Variants in NCALD observed in about 807,000 individuals in gnomAD.
The protein encoded by NCALD is neurocalcin-delta.
NCALD carries 10 observed loss-of-function variants against 18.6 expected under a neutral mutation model. The observed-to-expected ratio is 0.54, with a 90% confidence interval of 0.33 to 0.91. The LOEUF (loss-of-function observed/expected upper bound fraction) is 0.91, where lower values mean the gene tolerates loss of function less well. Ranked by LOEUF, NCALD falls within the 40% of genes least tolerant of loss-of-function variation. The probability of loss-of-function intolerance (pLI) is 0.03; values close to 1 mark genes in which losing one functional copy is unlikely to be tolerated. For missense variants in NCALD, 184 were observed against 247.6 expected (o/e 0.74, Z 1.72); for synonymous variants, 88 against 87.4 (o/e 1.01, Z -0.04).
intron 1 of NCALD, among the ~76,000 whole-genome samples, chr8:102,065,152 T>A (rs1400271077): frequency 1.3e-5 from 2 of 151,734 alleles, no homozygotes; most frequent in Non-Finnish European, 2.9e-5. Flanking sequence ...GTTGGAGAGA[T>A]GTTCTCCAGG....
chr8:102,082,529 C>T (rs1237793939), intron 1 of NCALD, among the ~76,000 whole-genome samples: 1 of 152,150 alleles, frequency 6.6e-6, no homozygotes, highest in African/African-American at 2.4e-5. Flanking sequence ...CAACCGGCCA[C>T]CTCCAACTCC....
intron 4 of NCALD, among the ~76,000 whole-genome samples, chr8:101,840,566 C>T (rs1371471054): frequency 1.3e-5 from 2 of 152,134 alleles, no homozygotes; most frequent in Non-Finnish European, 2.9e-5. Context: ...CCAAAGTCTT[C>T]TATGTCATTT....
At chr8:102,060,147 AT>A (rs951251929) in intron 1 of NCALD, among the ~76,000 whole-genome samples, 9 of 151,828 alleles carry the variant, frequency 5.9e-5, no homozygotes, top group Admixed American at 3.3e-4. Context: ...TGCCTGGCTA[AT>A]TTTTTTGTAT....
intron 2 of NCALD, among the ~76,000 whole-genome samples, chr8:101,980,094 C>G (rs1338203578): frequency 6.6e-6 from 1 of 152,124 alleles, no homozygotes; most frequent in Non-Finnish European, 1.5e-5. Context: ...CCACATCAGC[C>G]TTGGCATCCC....
chr8:101,689,335 C>A lies in NCALD; in HGVS notation c.556G>T (p.Asp186Tyr). 1.2e-6 allele frequency: 2 copies of A among 1,613,794 alleles called. No individual in the cohort carries two copies. The highest frequency in any genetic ancestry group is 1.7e-6 in the Non-Finnish European group (2 of 1,179,906). ...DPSIVRLLQC[D>Y]PSSAGQF ...CAGAACTGGCCGGCACTGCTCGGGT[C>A]GCACTGCAGGAGGCGCACAATGGAC... The change falls in exon 4 of 4, where the codon GAC becomes TAC. Residue 186 changes from aspartate to tyrosine, a missense_variant. Transcript: ENST00000220931. The surrounding 1 kb of genome is among the most constrained non-coding windows in gnomAD (Gnocchi z 4.4).
intron 2 of NCALD, chr8:101,986,609 C>T (rs1820823014): frequency 6.6e-6 from 1 of 152,310 alleles, no homozygotes; most frequent in Non-Finnish European, 1.5e-5. Flanking sequence ...TGTCATCTGA[C>T]TCTATGCAGC....
chr8:101,822,269 T>C (rs1282641645), intron 4 of NCALD, among the ~76,000 whole-genome samples: 1 of 152,172 alleles, frequency 6.6e-6, no homozygotes, highest in Non-Finnish European at 1.5e-5. Flanking sequence ...TTTTGGGGAA[T>C]GAAAAGAAAG....
intron 4 of NCALD, among the ~76,000 whole-genome samples, chr8:101,885,650 G>A (rs1226296577): frequency 6.6e-6 from 1 of 152,168 alleles, no homozygotes; most frequent in East Asian, 1.9e-4. Flanking sequence ...AATGAGAGAT[G>A]AAGTCTAGCT....
At chr8:102,103,564 C>CT (rs746098380) in intron 1 of NCALD, among the ~76,000 whole-genome samples, 20 of 151,918 alleles carry the variant, frequency 1.3e-4, no homozygotes, top group South Asian at 2.1e-4. Flanking sequence ...TCTTTTCTTT[C>CT]TTTTTTTTGA....
At chr8:102,113,941 G>C (rs1825709042) in intron 1 of NCALD, among the ~76,000 whole-genome samples, 1 of 152,254 alleles carries the variant, frequency 6.6e-6, no homozygotes, top group South Asian at 2.1e-4. Context: ...AGTCTAGGCT[G>C]TCAGTGCCTT....
intron 2 of NCALD, among the ~76,000 whole-genome samples, chr8:101,918,921 G>A (rs1299431563): frequency 6.6e-6 from 1 of 152,122 alleles, no homozygotes; most frequent in Non-Finnish European, 1.5e-5. Flanking sequence ...TGTTACATTG[G>A]CCATATTACC....
At chr8:101,690,316 T>G (rs1189960639) in intron 3 of NCALD, 1 of 984,304 alleles carries the variant, frequency 1.0e-6, no homozygotes, top group Non-Finnish European at 1.2e-6. Flanking sequence ...CATGCTCGAT[T>G]GGTAAATTTG....
At chr8:102,011,712 G>A (rs765144186) in intron 2 of NCALD, among the ~76,000 whole-genome samples, 1 of 152,080 alleles carries the variant, frequency 6.6e-6, no homozygotes, top group Non-Finnish European at 1.5e-5. Context: ...CCTCAGAAGG[G>A]ACTGCTACCT....
intron 4 of NCALD, among the ~76,000 whole-genome samples, chr8:101,811,706 G>C (rs975411594): frequency 4.6e-5 from 7 of 152,182 alleles, no homozygotes; most frequent in Non-Finnish European, 1.0e-4. Context: ...GGCCTCAGGG[G>C]AGGGAGATGT....
At chr8:101,831,203 A>G (rs1156430722) in intron 4 of NCALD, among the ~76,000 whole-genome samples, 2 of 152,190 alleles carry the variant, frequency 1.3e-5, no homozygotes, top group Non-Finnish European at 2.9e-5. Context: ...CCCTACATGT[A>G]TAGGCCACTG....
At chr8:101,796,895 C>A (rs1812657742) in intron 4 of NCALD, among the ~76,000 whole-genome samples, 1 of 152,156 alleles carries the variant, frequency 6.6e-6, no homozygotes, top group South Asian at 2.1e-4. Flanking sequence ...CAAAGTCATC[C>A]CTCTGCTCAC....
intron 2 of NCALD, among the ~76,000 whole-genome samples, chr8:101,965,318 T>C (rs1225068615): frequency 6.6e-6 from 1 of 152,196 alleles, no homozygotes; most frequent in Non-Finnish European, 1.5e-5. Flanking sequence ...TGCATACATA[T>C]GTTTATTGCA....
intron 2 of NCALD, among the ~76,000 whole-genome samples, chr8:101,983,042 T>C (rs558581673): frequency 1.3e-5 from 2 of 152,130 alleles, no homozygotes; most frequent in South Asian, 2.1e-4. Flanking sequence ...AAAGAAGAAA[T>C]AAGCCACAGT....
intron 1 of NCALD, among the ~76,000 whole-genome samples, chr8:101,786,590 C>A (rs1410960562): frequency 6.6e-6 from 1 of 152,152 alleles, no homozygotes; most frequent in African/African-American, 2.4e-5. Context: ...AGCCAAAGAA[C>A]ACAACAGTTT....
Sources: allele counts gnomAD v4.1 joint callset (sites outside exome capture counted in the v4.1 genomes callset), GRCh38; gene constraint gnomAD v4.1.1; non-coding constraint Gnocchi (gnomAD v3.1); transcripts MANE v1.5; gene names NCBI Gene and HGNC (gene_info 2026-07-23, HGNC 2026-07-21).